Variants in TLCD4 observed in about 807,000 individuals in gnomAD.
The protein encoded by TLCD4 is TLC domain containing 4, also known as TLC domain-containing protein 4.
Under a neutral mutation model 24.2 loss-of-function variants are expected in TLCD4, and 7 were observed. The observed-to-expected ratio is 0.29, with a 90% CI of 0.16 to 0.54. TLCD4 has a LOEUF of 0.54. Ranked by LOEUF, TLCD4 falls within the 20% of genes least tolerant of loss-of-function variation. The pLI, the probability that TLCD4 is intolerant of heterozygous loss-of-function variation, is 0.95. For synonymous variants in TLCD4, 103 were observed against 106.4 expected, an observed-to-expected ratio of 0.97 and a Z score of 0.20; for missense variants, 259 against 313.9, an observed-to-expected ratio of 0.82 and a Z score of 1.32.
At chr1:95,190,232 T>C (rs1254338129) in intron 6 of TLCD4, among the ~76,000 whole-genome samples, 1 of 151,452 alleles carries the variant, frequency 6.6e-6, no homozygotes, top group East Asian at 2.0e-4. Flanking sequence ...GCCTCCCAAG[T>C]AGCTGGGATT....
At chr1:95,151,304 A>G (rs984295345) in intron 4 of TLCD4, 21 bp from the exon 5 acceptor site, 27 of 1,609,908 alleles carry the variant, frequency 1.7e-5, no homozygotes, top group Non-Finnish European at 2.1e-5. Flanking sequence ...GTAATACCTT[A>G]CTCACTTTTC....
chr1:95,170,578 T>G (rs1260949892), intron 5 of TLCD4, among the ~76,000 whole-genome samples: 2 of 152,070 alleles, frequency 1.3e-5, no homozygotes, highest in Non-Finnish European at 2.9e-5. Context: ...ATCCGTCCAC[T>G]TTGGCCTCCC....
rs1289557757 is a variant in TLCD4 at position 95,196,566 on chromosome 1, A to G, written c.*4698A>G. On this transcript the variant is annotated 3_prime_UTR_variant, in exon 7 of 7. Coordinates refer to ENST00000370203, the MANE Select transcript of TLCD4 (RefSeq NM_152487.3). ...CAGTGAAGAATTGAAAGCAGCTCCT[A>G]AAGATTGGTTTGTTTGCTTTGAAAA... 6.6e-6 allele frequency: 1 copy of G among 152,194 alleles called. No homozygotes were observed. Among genetic ancestry groups the G allele is most frequent in the East Asian group, 1.9e-4 (1 of 5,206 alleles). 9.4% of individuals were successfully genotyped at this position (152,194 alleles called of 1,614,324 possible).
intron 1 of TLCD4, among the ~76,000 whole-genome samples, chr1:95,130,267 C>T (rs1175116475): frequency 6.8e-6 from 1 of 148,086 alleles, no homozygotes; most frequent in African/African-American, 2.4e-5. Flanking sequence ...ATTCTCCTGT[C>T]TCAGCCTTCC....
chr1:95,097,133 G>A, the TLCD4 span, among the ~76,000 whole-genome samples: 6 of 152,084 alleles, frequency 3.9e-5, no homozygotes, highest in Admixed American at 6.5e-5. Context: ...CAGGGTACAT[G>A]TGATAATTTA....
the TLCD4 span, among the ~76,000 whole-genome samples, chr1:95,100,886 T>A: frequency 0.046 from 6,890 of 151,196 alleles, 197 homozygotes; most frequent in South Asian, 0.082. Flanking sequence ...TCAAGGCCCA[T>A]TTATGCAACT....
intron 5 of TLCD4, among the ~76,000 whole-genome samples, chr1:95,159,746 C>T (rs1278394888): frequency 2.0e-5 from 3 of 152,180 alleles, no homozygotes; most frequent in African/African-American, 4.8e-5. Context: ...TTCCCAGCAC[C>T]ATTTATTAAA....
At chr1:95,113,512 A>G (rs760226528), upstream of TLCD4, among the ~76,000 whole-genome samples, 2 of 152,200 alleles carry the variant, frequency 1.3e-5, no homozygotes, top group Admixed American at 6.5e-5. Flanking sequence ...CAAGGTTATC[A>G]TTTAGGAGAT....
rs1304150482 is a variant in TLCD4 at position 95,188,205 on chromosome 1, G to T, written c.474-3345G>T. Among the ~76,000 whole-genome samples, 3 of 152,098 alleles carry T rather than the reference G, an allele frequency of 2.0e-5. No homozygotes were observed. The East Asian group carries it at 5.8e-4, about 30-fold the overall frequency. Reference sequence around the variant, plus strand: ...GATCAAGACCATCCTGGCTAACACGGTGAAACCCCGTCTCTACTACAAAAT... The same window carrying T: ...GATCAAGACCATCCTGGCTAACACGTTGAAACCCCGTCTCTACTACAAAAT... On this transcript the variant is annotated intron_variant, in intron 6 of 6. Coordinates refer to ENST00000370203, the MANE Select transcript of TLCD4 (RefSeq NM_152487.3).
intron 6 of TLCD4, among the ~76,000 whole-genome samples, chr1:95,186,002 A>G (rs1024697626): frequency 2.0e-5 from 3 of 152,218 alleles, no homozygotes; most frequent in Admixed American, 1.3e-4. Context: ...TATGGGAACT[A>G]TGGAGTGAAA....
intron 6 of TLCD4, 130 bp downstream of exon 6, chr1:95,174,019 T>C: frequency 7.6e-7 from 1 of 1,314,822 alleles, no homozygotes; most frequent in South Asian, 1.5e-5. Flanking sequence ...GTTATCACCA[T>C]CATACAAATG....
intron 5 of TLCD4, among the ~76,000 whole-genome samples, chr1:95,169,084 T>C (rs1266533036): frequency 6.6e-6 from 1 of 152,248 alleles, no homozygotes. Flanking sequence ...TTGGGGCTTA[T>C]AGATCGCTGG....
chr1:95,095,231 G>C, the TLCD4 span, among the ~76,000 whole-genome samples: 5 of 152,052 alleles, frequency 3.3e-5, no homozygotes, highest in Non-Finnish European at 1.5e-5. Context: ...GGTCACACAG[G>C]AGCAGTTTTC....
chr1:95,107,273 A>T, the TLCD4 span, among the ~76,000 whole-genome samples: 2 of 152,036 alleles, frequency 1.3e-5, no homozygotes, highest in African/African-American at 4.8e-5. Flanking sequence ...AATACAAAAA[A>T]TTAGCCGGGC....
At position 95,187,663 on chromosome 1, in the gene TLCD4, A is replaced by G. The variant is rs572784738; in HGVS notation, c.474-3887A>G. 2.0e-5 allele frequency among the ~76,000 whole-genome samples: 3 copies of G among 152,212 alleles called. No homozygotes were observed. The East Asian group carries it at 5.8e-4, about 29-fold the overall frequency. On this transcript the variant is annotated intron_variant, in intron 6 of 6. Coordinates refer to ENST00000370203, the MANE Select transcript of TLCD4 (RefSeq NM_152487.3). ...GAGGTACTGTTTGTCCGGTTTCTCC[A>G]TTTTAAAGTTATTCCTTACACCTGC...
chr1:95,139,288 T>C (rs1231760981), intron 1 of TLCD4, among the ~76,000 whole-genome samples: 9 of 149,796 alleles, frequency 6.0e-5, no homozygotes, highest in Non-Finnish European at 1.2e-4. Flanking sequence ...ACTGAGTGAG[T>C]GGTGAGTGAA....
intron 5 of TLCD4, among the ~76,000 whole-genome samples, chr1:95,172,285 A>G (rs1014712801): frequency 6.6e-6 from 1 of 152,248 alleles, no homozygotes; most frequent in Admixed American, 6.5e-5. Context: ...AAGACAGGCA[A>G]GCACATCTAA....
intron 1 of TLCD4, among the ~76,000 whole-genome samples, chr1:95,128,545 G>C (rs1298664296): frequency 6.6e-6 from 1 of 152,142 alleles, no homozygotes; most frequent in Non-Finnish European, 1.5e-5. Context: ...GATACCAGTG[G>C]GAGAAATGAT....
chr1:95,107,025 C>A, the TLCD4 span, among the ~76,000 whole-genome samples: 1 of 152,126 alleles, frequency 6.6e-6, no homozygotes, highest in South Asian at 2.1e-4. Context: ...TATAGTAACA[C>A]CATTGCAGGA....
Sources: gnomAD v4.1 joint callset for allele counts (sites outside exome capture counted in the v4.1 genomes callset) on GRCh38, gnomAD v4.1.1 for gene constraint, MANE v1.5 for transcripts, NCBI Gene and HGNC (gene_info 2026-07-23, HGNC 2026-07-21) for gene names.